Variants in FANCD2 observed in about 807,000 individuals in gnomAD.
FANCD2 encodes the protein FA complementation group D2.
In FANCD2, 131 loss-of-function variants were observed where a neutral mutation model predicts 192.3. The ratio of observed to expected loss-of-function variants is 0.68; its 90% CI spans 0.59 to 0.79. FANCD2 has a LOEUF of 0.79. Among genes scored for constraint, FANCD2 ranks in the 30% least tolerant of loss-of-function variants. The probability of loss-of-function intolerance (pLI) is 0.00; values close to 1 mark genes in which losing one functional copy is unlikely to be tolerated. For missense variants in FANCD2, 1,508 were observed against 1,701.6 expected, an observed-to-expected ratio of 0.89 and a Z score of 2.00; for synonymous variants, 524 against 612.5, an observed-to-expected ratio of 0.86 and a Z score of 2.13.
intron 17 of FANCD2, among the ~76,000 whole-genome samples, chr3:10,051,958 A>G (rs528131902): frequency 6.2e-4 from 94 of 152,284 alleles, no homozygotes; most frequent in Admixed American, 1.4e-3. Flanking sequence ...ATGGCAAGGA[A>G]TAGGGTAAAG....
intron 29 of FANCD2, among the ~76,000 whole-genome samples, chr3:10,076,153 T>C (rs1693530268): frequency 1.3e-5 from 2 of 152,008 alleles, no homozygotes; most frequent in African/African-American, 4.8e-5. Context: ...CTTCTAGCAG[T>C]GTAATATAGC....
intron 3 of FANCD2, among the ~76,000 whole-genome samples, chr3:10,033,437 C>G (rs2086651132): frequency 6.6e-6 from 1 of 152,130 alleles, no homozygotes; most frequent in Admixed American, 6.6e-5. Flanking sequence ...ATGGTACAGT[C>G]TTTGGTCCTC....
chr3:10,099,222 A>G, intron 43 of FANCD2: 1 of 1,352,118 alleles, frequency 7.4e-7, no homozygotes, highest in Non-Finnish European at 9.5e-7. Context: ...GGTGAAAGCC[A>G]AAGCACAGAG....
intron 32 of FANCD2, among the ~76,000 whole-genome samples, chr3:10,082,735 C>T (rs1382014769): frequency 2.0e-5 from 3 of 152,198 alleles, no homozygotes; most frequent in South Asian, 4.1e-4. Context: ...ACCCCCAGTT[C>T]TCTTCTAACA....
At chr3:10,073,207 A>G in intron 27 of FANCD2, 46 bp from the exon 28 acceptor site, 3 of 1,493,170 alleles carry the variant, frequency 2.0e-6, no homozygotes, top group South Asian at 2.3e-5. Context: ...TTTGGCAAAC[A>G]TGATTATTAA....
At position 10,034,601 on chromosome 3, in the gene FANCD2, A is replaced by T. The variant is rs1448405956; in HGVS notation, c.273+65A>T. ...TAACTCTAGAATTTGGAATTTAAGG[A>T]CACTGGTATAAAGTTGAGTGGGCTA... On this transcript the variant is annotated intron_variant, in intron 4 of 43. Coordinates refer to ENST00000675286, the MANE Select transcript of FANCD2 (RefSeq NM_001018115.3). 4.0e-6 allele frequency: 6 copies of T among 1,503,592 alleles called. No individual in the cohort carries two copies. In the South Asian group the frequency reaches 6.8e-5, roughly 17 times the overall value. 93.1% of individuals were successfully genotyped at this position (1,503,592 alleles called of 1,614,324 possible). A position where few individuals can be genotyped will look rare whatever the true frequency, so the allele number is the denominator to read the frequency against.
intron 18 of FANCD2, among the ~76,000 whole-genome samples, chr3:10,059,450 T>C (rs1180501143): frequency 6.6e-6 from 1 of 152,222 alleles, no homozygotes; most frequent in East Asian, 1.9e-4. Flanking sequence ...TGAATGTCTA[T>C]CATGTGCTAG....
intron 16 of FANCD2, among the ~76,000 whole-genome samples, chr3:10,048,593 T>C (rs1049139844): frequency 7.2e-5 from 11 of 152,182 alleles, no homozygotes; most frequent in African/African-American, 1.9e-4. Context: ...GCGTGAGCCA[T>C]TGGGCCTGGC....
chr3:10,083,892 A>AC (rs1694005936), intron 32 of FANCD2, among the ~76,000 whole-genome samples: 1 of 150,740 alleles, frequency 6.6e-6, no homozygotes, highest in African/African-American at 2.4e-5. Flanking sequence ...CGTCTCAAAA[A>AC]AAAAAAAAAA....
rs778754133 is a variant in FANCD2 at position 10,060,287 on chromosome 3, A to G, written c.1657-7A>G. The G allele has an allele frequency of 1.3e-6, 2 of 1,597,056 alleles. No individual in the cohort carries two copies. The highest frequency in any genetic ancestry group is 3.3e-5 in the Admixed American group (2 of 59,916). On this transcript the variant is annotated splice_region_variant and splice_polypyrimidine_tract_variant and intron_variant, in intron 18 of 43. Coordinates refer to ENST00000675286, the MANE Select transcript of FANCD2 (RefSeq NM_001018115.3). ...CATTTTCATCTTTCTTCATCATCTC[A>G]TTGCAGGATGACATGCACTTGGTGA... is the stretch of plus-strand genomic sequence containing the variant.
rs139025231 is a variant in FANCD2 at position 10,032,889 on chromosome 3, T to C, written c.122T>C (p.Val41Ala). The change falls in exon 3 of 44, where the codon GTT becomes GCT. Residue 41 changes from valine to alanine, a missense_variant. Around this residue, in one of 5 missense-constraint regions of FANCD2, gnomAD observed 435 missense variants for 421.9 expected, o/e 1.03. Transcript: ENST00000675286. ...AAGAAATCTCATATTGCTAATGAAGTTGAAGAAAATGACAGCATCTTTGTA... is the reference window on the plus strand; with the variant it reads ...AAGAAATCTCATATTGCTAATGAAGCTGAAGAAAATGACAGCATCTTTGTA... ...KTKKSHIANE[V>A]EENDSIFVKL... 3.5e-5 allele frequency: 57 copies of C among 1,610,404 alleles called. No individual in the cohort carries two copies. In the African/African-American group the frequency reaches 7.3e-4, roughly 21 times the overall value.
intron 29 of FANCD2, among the ~76,000 whole-genome samples, chr3:10,076,408 G>GT (rs1693544312): frequency 6.6e-6 from 1 of 152,022 alleles, no homozygotes; most frequent in South Asian, 2.1e-4. Flanking sequence ...TAGAGAAAAA[G>GT]TATGTCTTCT....
rs768816064 is a variant in FANCD2, at chr3:10,072,993, C to A, written c.2605+12C>A. ...GAAAGGAAAAATAGGTAAGTATGTT[C>A]TTTTCCTCTTGTCTTGTGTCTCTAA... On this transcript the variant is annotated intron_variant, in intron 27 of 43. Transcript: ENST00000675286. 3.5e-6 allele frequency: 5 copies of A among 1,408,888 alleles called. No individual in the cohort carries two copies. The highest frequency in any genetic ancestry group is 2.3e-5 in the East Asian group (1 of 43,838). 87.3% of individuals were successfully genotyped at this position (1,408,888 alleles called of 1,614,324 possible). A position where few individuals can be genotyped will look rare whatever the true frequency, so the allele number is the denominator to read the frequency against.
intron 43 of FANCD2, 135 bp downstream of exon 43, chr3:10,098,950 A>G (rs1695142381): frequency 6.2e-7 from 1 of 1,614,172 alleles, no homozygotes; most frequent in Non-Finnish European, 8.5e-7. Context: ...TCCCTCCATA[A>G]CAGCTTCTGT....
intron 8 of FANCD2, 106 bp downstream of exon 8, chr3:10,039,463 C>T: frequency 9.5e-7 from 1 of 1,047,702 alleles, no homozygotes; most frequent in Non-Finnish European, 1.4e-6. Flanking sequence ...ACTTTTCCAT[C>T]CATCCATTAG....
At chr3:10,042,524 A>C in intron 10 of FANCD2, 35 bp from the exon 11 acceptor site, 2 of 1,513,606 alleles carry the variant, frequency 1.3e-6, no homozygotes, top group Non-Finnish European at 1.8e-6. Context: ...TAGTGACATG[A>C]AAACCTATTA....
rs201022120 is a variant in FANCD2, at chr3:10,083,907, AG to A, written c.3225-1903del. Among the ~76,000 whole-genome samples the A allele has an allele frequency of 8.3e-3, 1,237 of 149,454 alleles. 13 individuals carry two copies. Among genetic ancestry groups the A allele is most frequent in the Non-Finnish European group, 0.013 (892 of 67,268 alleles). ...CGTCTCAAAAAAAAAAAAAAAAAAA[AG>A]GTATGTCCACCAGGGTCTGGTACAG... On this transcript the variant is annotated intron_variant, in intron 32 of 43. Coordinates refer to ENST00000675286, the MANE Select transcript of FANCD2 (RefSeq NM_001018115.3).
intron 18 of FANCD2, among the ~76,000 whole-genome samples, chr3:10,057,702 A>C (rs2087455383): frequency 6.6e-6 from 1 of 152,154 alleles, no homozygotes; most frequent in Non-Finnish European, 1.5e-5. Context: ...TCTTTGTGAA[A>C]AGTTGAACAT....
At chr3:10,031,938 C>T (rs1365848853) in intron 2 of FANCD2, among the ~76,000 whole-genome samples, 1 of 152,108 alleles carries the variant, frequency 6.6e-6, no homozygotes, top group Non-Finnish European at 1.5e-5. Flanking sequence ...CCTCTGCCTC[C>T]CGGGTTCAAG....
Sources: allele counts gnomAD v4.1 joint callset (sites outside exome capture counted in the v4.1 genomes callset), GRCh38; gene constraint gnomAD v4.1.1; regional missense constraint gnomAD v4.1.1; transcripts MANE v1.5; gene names NCBI Gene and HGNC (gene_info 2026-07-23, HGNC 2026-07-21).